Variants in TBC1D9 observed in about 807,000 individuals in gnomAD.
TBC1D9 encodes the protein TBC1 domain family member 9.
Under a neutral mutation model 132.0 loss-of-function variants are expected in TBC1D9, and 63 were observed. The observed-to-expected ratio is 0.48, with a 90% CI of 0.39 to 0.59. The LOEUF (loss-of-function observed/expected upper bound fraction) is 0.59. Among genes scored for constraint, TBC1D9 ranks in the 20% least tolerant of loss-of-function variants. The pLI, the probability that TBC1D9 is intolerant of heterozygous loss-of-function variation, is 0.00. For synonymous variants in TBC1D9, 610 were observed against 609.9 expected (o/e 1.00, Z 0.00); for missense variants, 1,261 against 1,592.7 (o/e 0.79, Z 3.54).
At chr4:140,679,594 C>G in intron 4 of TBC1D9, 21 bp downstream of exon 4, 2 of 1,584,394 alleles carry the variant, frequency 1.3e-6, no homozygotes, top group Middle Eastern at 1.7e-4. Flanking sequence ...AAGTTTCCTG[C>G]TGAAATTTTA....
At chr4:140,702,415 T>C (rs990262259) in intron 1 of TBC1D9, among the ~76,000 whole-genome samples, 11 of 152,110 alleles carry the variant, frequency 7.2e-5, no homozygotes, top group African/African-American at 2.2e-4. Context: ...AGGAGGAAAA[T>C]TGACAAGGAA....
At chr4:140,735,350 T>C (rs1738656220) in intron 1 of TBC1D9, among the ~76,000 whole-genome samples, 2 of 152,184 alleles carry the variant, frequency 1.3e-5, no homozygotes, top group South Asian at 4.1e-4. Flanking sequence ...AAATCCTGTG[T>C]TCATCTAAAC....
chr4:140,703,125 AC>A (rs1282472483), intron 1 of TBC1D9, among the ~76,000 whole-genome samples: 1 of 152,172 alleles, frequency 6.6e-6, no homozygotes, highest in East Asian at 1.9e-4. Flanking sequence ...ATAGAGGATG[AC>A]TTTGGGATAG....
chr4:140,658,809 A>T (rs1399274457), intron 11 of TBC1D9, among the ~76,000 whole-genome samples: 2 of 138,830 alleles, frequency 1.4e-5, no homozygotes, highest in African/African-American at 2.7e-5. Flanking sequence ...AGATGGTCTT[A>T]AAAAAAAAAA....
chr4:140,659,765 C>T, intron 10 of TBC1D9, 60 bp from the exon 11 acceptor site: 11 of 1,197,156 alleles, frequency 9.2e-6, no homozygotes, highest in Non-Finnish European at 1.2e-5. Flanking sequence ...ATTCTGTTAG[C>T]ATATTAAAAT....
chr4:140,715,070 G>C (rs1480023704), intron 1 of TBC1D9, among the ~76,000 whole-genome samples: 1 of 152,158 alleles, frequency 6.6e-6, no homozygotes, highest in East Asian at 1.9e-4. Flanking sequence ...GCTGCAGTAA[G>C]CAGTAGCCCC....
At chr4:140,636,215 T>C (rs1019277658) in intron 15 of TBC1D9, among the ~76,000 whole-genome samples, 2 of 151,520 alleles carry the variant, frequency 1.3e-5, no homozygotes, top group African/African-American at 4.9e-5. Flanking sequence ...TTGGAAAGAG[T>C]TCAAGAGAAA....
intron 1 of TBC1D9, chr4:140,715,677 C>T (rs1578853344): frequency 1.3e-5 from 2 of 152,188 alleles, no homozygotes; most frequent in South Asian, 4.1e-4. Context: ...GTAATTAAAA[C>T]AATCATGCTA....
intron 2 of TBC1D9, among the ~76,000 whole-genome samples, chr4:140,692,893 G>A (rs992052164): frequency 1.3e-5 from 2 of 152,020 alleles, no homozygotes; most frequent in African/African-American, 4.8e-5. Context: ...GATGGTGTGT[G>A]CCTGTAGTCC....
chr4:140,656,526 G>A (rs1292856152), intron 13 of TBC1D9, among the ~76,000 whole-genome samples: 9 of 152,004 alleles, frequency 5.9e-5, no homozygotes, highest in East Asian at 3.9e-4. Flanking sequence ...CAACCTCAGC[G>A]TTACCAGTAC....
chr4:140,648,668 G>A (rs1204952925), intron 13 of TBC1D9, among the ~76,000 whole-genome samples: 2 of 152,074 alleles, frequency 1.3e-5, no homozygotes, highest in East Asian at 1.9e-4. Context: ...TTATAGATGT[G>A]AGCCATGGCA....
At chr4:140,676,451 G>T (rs1405576861) in intron 6 of TBC1D9, among the ~76,000 whole-genome samples, 2 of 152,136 alleles carry the variant, frequency 1.3e-5, no homozygotes, top group African/African-American at 4.8e-5. Flanking sequence ...CCAGGAGTTC[G>T]AGACCAGTCT....
chr4:140,730,435 G>C (rs1738571100), intron 1 of TBC1D9, among the ~76,000 whole-genome samples: 1 of 152,142 alleles, frequency 6.6e-6, no homozygotes, highest in African/African-American at 2.4e-5. Flanking sequence ...TCAAGAAACA[G>C]GACATGGGCC....
chr4:140,674,450 G>C (rs2111013313), intron 6 of TBC1D9, among the ~76,000 whole-genome samples: 1 of 152,146 alleles, frequency 6.6e-6, no homozygotes, highest in African/African-American at 2.4e-5. Flanking sequence ...AGATGCAACG[G>C]AAAGGTCCAA....
At chr4:140,642,945 T>G in intron 13 of TBC1D9, 1 of 623,604 alleles carries the variant, frequency 1.6e-6, no homozygotes. Flanking sequence ...CAGCTCATGC[T>G]GCTTCTCCTT....
intron 13 of TBC1D9, chr4:140,643,418 G>A: frequency 1.3e-6 from 1 of 793,370 alleles, no homozygotes; most frequent in South Asian, 1.6e-5. Context: ...CAGCCAGTGG[G>A]TCTTCCAGGC....
At chr4:140,685,824 GGTTC>G (rs891559917) in intron 3 of TBC1D9, among the ~76,000 whole-genome samples, 2 of 152,260 alleles carry the variant, frequency 1.3e-5, no homozygotes, top group Middle Eastern at 3.4e-3. Flanking sequence ...AGATTCCAGA[GGTTC>G]AGAAAGTTGT....
intron 9 of TBC1D9, among the ~76,000 whole-genome samples, chr4:140,667,532 G>T (rs1408645351): frequency 6.6e-6 from 1 of 152,180 alleles, no homozygotes; most frequent in African/African-American, 2.4e-5. Context: ...TGATCTTCTT[G>T]GGTTTGAATT....
intron 8 of TBC1D9, 147 bp from the exon 9 acceptor site, chr4:140,669,214 A>C: frequency 1.2e-6 from 1 of 803,242 alleles, no homozygotes; most frequent in Non-Finnish European, 1.9e-6. Flanking sequence ...GATTTTCTGG[A>C]GTTCTTCTCT....
Sources: allele counts gnomAD v4.1 joint callset (sites outside exome capture counted in the v4.1 genomes callset), GRCh38; gene constraint gnomAD v4.1.1; transcripts MANE v1.5; gene names NCBI Gene and HGNC (gene_info 2026-07-23, HGNC 2026-07-21).